Variants in SLC29A3 observed in about 807,000 individuals in gnomAD.
SLC29A3 encodes the protein solute carrier family 29 member 3, also known as equilibrative nucleoside transporter 3.
In SLC29A3, 18 loss-of-function variants were observed where a neutral mutation model predicts 25.4. The ratio of observed to expected loss-of-function variants is 0.71; its 90% confidence interval spans 0.49 to 1.05. The LOEUF (loss-of-function observed/expected upper bound fraction) is 1.05. SLC29A3 is among the 50% of genes least tolerant of loss of function. The pLI, the probability that SLC29A3 is intolerant of heterozygous loss-of-function variation, is 0.00. For synonymous variants in SLC29A3, 258 were observed against 267.1 expected (o/e 0.97, Z 0.33); for missense variants, 586 against 609.0 (o/e 0.96, Z 0.40).
intron 3 of SLC29A3, 29 bp from the exon 4 acceptor site, chr10:71,351,530 GTGT>G (rs751988244): frequency 1.2e-6 from 2 of 1,605,904 alleles, no homozygotes; most frequent in South Asian, 1.1e-5. Context: ...CCCCGAAGGG[GTGT>G]CTAACTGCTT....
exon 5 of SLC29A3, chr10:71,379,979 C>T (rs926475692): frequency 6.6e-6 from 1 of 152,344 alleles, no homozygotes; most frequent in African/African-American, 2.4e-5. Context: ...GCCCCTTAAC[C>T]TGGAGCTGGA....
At chr10:71,340,425 G>A (rs990705895) in intron 2 of SLC29A3, among the ~76,000 whole-genome samples, 4 of 152,296 alleles carry the variant, frequency 2.6e-5, no homozygotes, top group Admixed American at 6.5e-5. Context: ...GCTCCCTGAC[G>A]ATCTTCTCAT....
Position 71,362,595 on chromosome 10 carries a change from T to A in SLC29A3, c.1415T>A (p.Val472Glu). Residue 472 changes from valine (V) to glutamate (E), a missense_variant, in exon 6 of 6, where the codon GTG (valine) becomes GAG (glutamate). By Grantham distance (121) the Val-to-Glu change is moderately radical. Coordinates refer to ENST00000373189, the MANE Select transcript of SLC29A3 (RefSeq NM_018344.6). ...TLGSACSTLLVHLI is the reference protein window; with the variant it reads ...TLGSACSTLLEHLI ...GGCTCAGCCTGCTCTACCCTCCTGG[T>A]GCACCTCATCTAGAAGGGAGGACAC... The A allele has an allele frequency of 6.2e-7, 1 of 1,614,162 alleles. No homozygotes were observed. The highest frequency in any genetic ancestry group is 8.5e-7 in the Non-Finnish European group (1 of 1,180,040).
At chr10:71,368,438 T>C (rs1189708478) in intron 3 of SLC29A3, among the ~76,000 whole-genome samples, 1 of 152,208 alleles carries the variant, frequency 6.6e-6, no homozygotes, top group Non-Finnish European at 1.5e-5. Flanking sequence ...CAGTGCTCAA[T>C]GGACTTGCCA....
intron 4 of SLC29A3, among the ~76,000 whole-genome samples, chr10:71,353,041 G>C (rs1255640832): frequency 2.6e-5 from 4 of 152,154 alleles, no homozygotes; most frequent in Non-Finnish European, 5.9e-5. Flanking sequence ...ACAATACTTT[G>C]ACAAGGGTAT....
At chr10:71,337,320 T>C (rs1846277614) in intron 2 of SLC29A3, among the ~76,000 whole-genome samples, 1 of 152,248 alleles carries the variant, frequency 6.6e-6, no homozygotes, top group Non-Finnish European at 1.5e-5. Context: ...TGCTCAGGAA[T>C]GATCTGGGCT....
At chr10:71,331,452 T>C (rs1846115435) in intron 2 of SLC29A3, among the ~76,000 whole-genome samples, 1 of 152,074 alleles carries the variant, frequency 6.6e-6, no homozygotes, top group African/African-American at 2.4e-5. Context: ...GCAGGCAGTT[T>C]GTGTGTGGAA....
downstream of SLC29A3, among the ~76,000 whole-genome samples, chr10:71,363,808 C>CTTTTTTTTTTTTTTTTTTTTTTTTT (rs71012277): frequency 1.9e-5 from 2 of 103,720 alleles, no homozygotes; most frequent in African/African-American, 3.6e-5. Flanking sequence ...TTTCCTTTTT[C>CTTTTTTTTTTTTTTTTTTTTTTTTT]TTTTCTTTTT....
intron 2 of SLC29A3, among the ~76,000 whole-genome samples, chr10:71,326,082 C>A (rs1482712958): frequency 6.6e-6 from 1 of 151,744 alleles, no homozygotes; most frequent in Non-Finnish European, 1.5e-5. Flanking sequence ...CATGCCTGAC[C>A]AGTTTTTTTG....
intron 4 of SLC29A3, among the ~76,000 whole-genome samples, chr10:71,377,117 G>A (rs1416716053): frequency 6.6e-6 from 1 of 152,174 alleles, no homozygotes; most frequent in African/African-American, 2.4e-5. Context: ...GAACCAAGAT[G>A]GTTAGGCTGA....
At chr10:71,334,856 C>G (rs1846204572) in intron 2 of SLC29A3, among the ~76,000 whole-genome samples, 1 of 152,200 alleles carries the variant, frequency 6.6e-6, no homozygotes, top group Admixed American at 6.5e-5. Flanking sequence ...TTCCCTCTGT[C>G]CAGGCTCTAG....
At chr10:71,370,332 CAT>C (rs2131857915) in intron 3 of SLC29A3, among the ~76,000 whole-genome samples, 1 of 152,292 alleles carries the variant, frequency 6.6e-6, no homozygotes, top group Admixed American at 6.5e-5. Context: ...CAACTTAAAA[CAT>C]ATGCCTAGAG....
At chr10:71,320,626 G>C (rs1303594341) in intron 1 of SLC29A3, among the ~76,000 whole-genome samples, 2 of 152,222 alleles carry the variant, frequency 1.3e-5, no homozygotes, top group Non-Finnish European at 2.9e-5. Flanking sequence ...TGCGAATCCA[G>C]GCTGGGGAGG....
chr10:71,340,213 G>A (rs1358197614), intron 2 of SLC29A3, among the ~76,000 whole-genome samples: 1 of 152,198 alleles, frequency 6.6e-6, no homozygotes, highest in African/African-American at 2.4e-5. Context: ...CCTTCTTGCT[G>A]AGTCATACCC....
At chr10:71,335,990 T>A (rs534618529) in intron 2 of SLC29A3, among the ~76,000 whole-genome samples, 1 of 152,212 alleles carries the variant, frequency 6.6e-6, no homozygotes, top group South Asian at 2.1e-4. Context: ...TCCTTGTGAA[T>A]CTGGAGGAGA....
At chr10:71,363,809 T>TTTC (rs1847136099), downstream of SLC29A3, among the ~76,000 whole-genome samples, 2 of 17,574 alleles carry the variant, frequency 1.1e-4, no homozygotes, top group South Asian at 1.3e-3. Context: ...TTCCTTTTTC[T>TTTC]TTTCTTTTTT....
At position 71,361,941 on chromosome 10, in the gene SLC29A3, C is replaced by T. The variant is rs763377973; in HGVS notation, c.774-13C>T. 25 of 1,613,712 alleles carry T rather than the reference C, an allele frequency of 1.5e-5. No individual in the cohort carries two copies. The highest frequency in any genetic ancestry group is 1.6e-4 in the Middle Eastern group (1 of 6,074). ...GCAACCTGCTTGATGGTGGCCCTGT[C>T]TCCTCCCTGCAGGTACTACATGAGG... is the stretch of plus-strand genomic sequence containing the variant. On this transcript the variant is annotated splice_polypyrimidine_tract_variant and intron_variant, in intron 5 of 5. Coordinates refer to ENST00000373189, the MANE Select transcript of SLC29A3 (RefSeq NM_018344.6).
At chr10:71,346,281 C>T (rs187105499) in intron 3 of SLC29A3, among the ~76,000 whole-genome samples, 34 of 152,316 alleles carry the variant, frequency 2.2e-4, no homozygotes, top group African/African-American at 7.9e-4. Flanking sequence ...AGCATTATAT[C>T]CTGCAGATGC....
At chr10:71,341,194 G>A (rs758709517) in intron 2 of SLC29A3, among the ~76,000 whole-genome samples, 6 of 152,152 alleles carry the variant, frequency 3.9e-5, no homozygotes, top group South Asian at 2.1e-4. Context: ...CTAGCAGGGC[G>A]TGGGGTCTCT....
Sources: allele counts gnomAD v4.1 joint callset (sites outside exome capture counted in the v4.1 genomes callset), GRCh38; gene constraint gnomAD v4.1.1; transcripts MANE v1.5; gene names NCBI Gene and HGNC (gene_info 2026-07-23, HGNC 2026-07-21).